The following ESR2 variants were observed in gnomAD, a reference collection of about 807,000 sequenced individuals.
The protein encoded by ESR2 is estrogen receptor 2.
In ESR2, 36 loss-of-function variants were observed where a neutral mutation model predicts 49.6. That is an observed-to-expected ratio of 0.73 (90% CI 0.56 to 0.96). The LOEUF (loss-of-function observed/expected upper bound fraction) is 0.96, where lower values mean the gene tolerates loss of function less well. ESR2 is among the 40% of genes least tolerant of loss of function. The pLI is 0.00. For missense variants in ESR2, 714 were observed against 693.0 expected, an observed-to-expected ratio of 1.03 and a Z score of -0.34; for synonymous variants, 320 against 266.1, an observed-to-expected ratio of 1.20 and a Z score of -1.97.
rs2140617288 is a variant in ESR2 at position 64,234,962 on chromosome 14, G to A, written c.1406+8C>T. ...AGCCCAAGCAGAGCAGCTCCTTAGG[G>A]CGCGTACCTCGCATGCCTGACGTGG... On this transcript the variant is annotated splice_region_variant and intron_variant, in intron 8 of 8. Transcript: ENST00000341099. The A allele has an allele frequency of 1.2e-6, 2 of 1,613,604 alleles. No homozygotes were observed. Among genetic ancestry groups the A allele is most frequent in the Non-Finnish European group, 1.7e-6 (2 of 1,179,604 alleles).
At chr14:64,255,088 C>T (rs902929336) in intron 6 of ESR2, among the ~76,000 whole-genome samples, 9 of 151,812 alleles carry the variant, frequency 5.9e-5, no homozygotes, top group East Asian at 1.9e-4. Flanking sequence ...AATTAAAGAA[C>T]GCATACAGAG....
At chr14:64,331,331 G>A (rs1385614252) in intron 1 of ESR2, among the ~76,000 whole-genome samples, 5 of 152,190 alleles carry the variant, frequency 3.3e-5, no homozygotes, top group Admixed American at 3.3e-4. Flanking sequence ...CAATTTGTAT[G>A]CAAATAGCTT....
rs78470370 is a variant in ESR2 at position 64,257,611 on chromosome 14, C to T, written c.953-247G>A. Among the ~76,000 whole-genome samples the T allele has an allele frequency of 5.7e-3, 870 of 152,314 alleles. 11 individuals are homozygous for T. The highest frequency in any genetic ancestry group is 0.02 in the African/African-American group (840 of 41,566). ...TTCATTTAGAGTTTGTCAAGCACTA[C>T]GACCTCGGCTCAGAACTGATCTTTG... On this transcript the variant is annotated intron_variant, in intron 5 of 8. Coordinates refer to ENST00000341099, the MANE Select transcript of ESR2 (RefSeq NM_001437.3).
intron 1 of ESR2, among the ~76,000 whole-genome samples, chr14:64,320,527 ATACAC>A (rs1174251373): frequency 6.6e-6 from 1 of 152,216 alleles, no homozygotes; most frequent in Non-Finnish European, 1.5e-5. Flanking sequence ...ACTTGTAATT[ATACAC>A]TTTTCAAAAC....
intron 7 of ESR2, 118 bp downstream of exon 7, chr14:64,249,428 G>A (rs1414457255): frequency 1.6e-6 from 2 of 1,238,340 alleles, no homozygotes; most frequent in African/African-American, 1.5e-5. Flanking sequence ...AAGTCCAAAA[G>A]GAAACCATTT....
At chr14:64,315,417 G>A (rs373755244) in intron 1 of ESR2, among the ~76,000 whole-genome samples, 1 of 151,814 alleles carries the variant, frequency 6.6e-6, no homozygotes, top group South Asian at 2.1e-4. Context: ...CCAATTCTTT[G>A]AAAAACACAA....
intron 1 of ESR2, among the ~76,000 whole-genome samples, chr14:64,289,967 C>T (rs961337403): frequency 1.8e-4 from 27 of 152,152 alleles, no homozygotes; most frequent in African/African-American, 3.6e-4. Flanking sequence ...AAAAAATTCA[C>T]GCTCACAAAG....
intron 5 of ESR2, among the ~76,000 whole-genome samples, chr14:64,259,889 C>A (rs1397248470): frequency 1.3e-5 from 2 of 152,204 alleles, no homozygotes; most frequent in Non-Finnish European, 2.9e-5. Context: ...CCCACCCCTC[C>A]TTTCAAGGTG....
intron 7 of ESR2, among the ~76,000 whole-genome samples, chr14:64,242,594 T>C (rs1463615046): frequency 6.6e-6 from 1 of 151,924 alleles, no homozygotes; most frequent in African/African-American, 2.4e-5. Context: ...AATACAGTTT[T>C]GGATTCTAGT....
intron 3 of ESR2, among the ~76,000 whole-genome samples, chr14:64,270,655 AC>A (rs1217066504): frequency 6.6e-6 from 1 of 151,884 alleles, no homozygotes; most frequent in Non-Finnish European, 1.5e-5. Context: ...GGATTCAGGC[AC>A]CCACCACCAC....
intron 5 of ESR2, among the ~76,000 whole-genome samples, chr14:64,259,162 A>G (rs2076161826): frequency 6.6e-6 from 1 of 152,244 alleles, no homozygotes; most frequent in Non-Finnish European, 1.5e-5. Flanking sequence ...AAGCAGAGAA[A>G]ATAAAATAAT....
chr14:64,315,989 G>T (rs1476443964), intron 1 of ESR2, among the ~76,000 whole-genome samples: 1 of 151,486 alleles, frequency 6.6e-6, no homozygotes, highest in East Asian at 2.0e-4. Context: ...AACTATTAAA[G>T]AGATTGAATT....
At chr14:64,336,079 G>A (rs2077528670) in intron 1 of ESR2, 1 of 151,754 alleles carries the variant, frequency 6.6e-6, no homozygotes, top group Non-Finnish European at 1.5e-5. Flanking sequence ...TCGAACTCCT[G>A]ACCTCAGGTG....
intron 6 of ESR2, among the ~76,000 whole-genome samples, chr14:64,254,985 A>T (rs1466167900): frequency 6.6e-6 from 1 of 152,158 alleles, no homozygotes; most frequent in Non-Finnish European, 1.5e-5. Flanking sequence ...AATTTGTAAG[A>T]AAAATAACTT....
At chr14:64,300,543 C>T (rs61984419) in intron 1 of ESR2, among the ~76,000 whole-genome samples, 9,355 of 152,086 alleles carry the variant, frequency 0.062, 349 homozygotes, top group Non-Finnish European at 0.075. Flanking sequence ...GAGGATCGCT[C>T]GAGCCCAGGA....
In ESR2 at chr14:64,268,378, A is replaced by T. The variant is rs148387646; in HGVS notation, c.652+417T>A. ...CATGGCTACCCCAGTAACCCACAAG[A>T]TATCCTACTTTTTTGTCACGAGTTT... On this transcript the variant is annotated intron_variant, in intron 4 of 8. Coordinates refer to ENST00000341099, the MANE Select transcript of ESR2 (RefSeq NM_001437.3). Among the ~76,000 whole-genome samples, 1,469 of 152,250 alleles carry T rather than the reference A, an allele frequency of 9.6e-3. 32 individuals are homozygous for T. The highest frequency in any genetic ancestry group is 0.034 in the African/African-American group (1,401 of 41,536).
chr14:64,273,613 A>G (rs1488468756), intron 3 of ESR2, among the ~76,000 whole-genome samples: 1 of 152,144 alleles, frequency 6.6e-6, no homozygotes, highest in Admixed American at 6.5e-5. Context: ...ATTAATTTGC[A>G]TATGTTGAAC....
chr14:64,254,349 A>G (rs554328586), intron 6 of ESR2, among the ~76,000 whole-genome samples: 1 of 152,288 alleles, frequency 6.6e-6, no homozygotes, highest in South Asian at 2.1e-4. Flanking sequence ...CTACAAATAT[A>G]CCTATTACAT....
chr14:64,245,371 G>A (rs2075828643), intron 7 of ESR2, among the ~76,000 whole-genome samples: 1 of 151,846 alleles, frequency 6.6e-6, no homozygotes. Flanking sequence ...AATTAGCCAG[G>A]CGTGGTGGTG....
Sources: gnomAD v4.1 joint callset for allele counts (sites outside exome capture counted in the v4.1 genomes callset) on GRCh38, gnomAD v4.1.1 for gene constraint, MANE v1.5 for transcripts, NCBI Gene and HGNC (gene_info 2026-07-23, HGNC 2026-07-21) for gene names.